Variants in B3GALT1 observed in about 807,000 individuals in gnomAD.
B3GALT1 encodes beta-1,3-galactosyltransferase 1.
Under a neutral mutation model 23.2 loss-of-function variants are expected in B3GALT1, and 10 were observed. The observed-to-expected ratio is 0.43, with a 90% CI of 0.27 to 0.73. The LOEUF is 0.73. Among genes scored for constraint, B3GALT1 ranks in the 30% least tolerant of loss-of-function variants. The pLI is 0.21. For missense variants in B3GALT1, 299 were observed against 405.4 expected (o/e 0.74, Z 2.25); for synonymous variants, 156 against 141.5 (o/e 1.10, Z -0.73).
In B3GALT1 at chr2:167,805,529, T is replaced by A. The variant is rs185249480; in HGVS notation, c.-351-13143T>A. 4.9e-3 allele frequency among the ~76,000 whole-genome samples: 753 copies of A among 152,318 alleles called. 1 individual carries two copies. The highest frequency in any genetic ancestry group is 5.9e-3 in the Non-Finnish European group (400 of 68,032). ...ATAAGGTGTAAGGAAGAGATCCAGT[T>A]TCAGCTTTCTACATATGGCTAGCCA... On this transcript the variant is annotated intron_variant, in intron 3 of 4. Coordinates refer to ENST00000392690, the MANE Select transcript of B3GALT1 (RefSeq NM_020981.4).
At chr2:167,807,169 A>C (rs1020196803) in intron 3 of B3GALT1, among the ~76,000 whole-genome samples, 3 of 152,020 alleles carry the variant, frequency 2.0e-5, no homozygotes, top group Non-Finnish European at 4.4e-5. Context: ...TATCCCCTTT[A>C]TCATTTTTTA....
At chr2:167,626,944 A>G (rs1473580197) in intron 2 of B3GALT1, among the ~76,000 whole-genome samples, 1 of 151,706 alleles carries the variant, frequency 6.6e-6, no homozygotes, top group Admixed American at 6.6e-5. Context: ...TTTTCTTCAA[A>G]ACACAAAGCA....
chr2:167,482,734 G>A (rs896349427), intron 1 of B3GALT1, among the ~76,000 whole-genome samples: 7 of 152,246 alleles, frequency 4.6e-5, no homozygotes, highest in African/African-American at 1.7e-4. Flanking sequence ...CAACTGCTAG[G>A]GAGGCTGAGG....
chr2:167,671,230 C>A (rs1686320817), intron 3 of B3GALT1, among the ~76,000 whole-genome samples: 2 of 151,794 alleles, frequency 1.3e-5, no homozygotes, highest in South Asian at 4.2e-4. Context: ...CTTTAATAAC[C>A]CCCATGGAAA....
rs1219294452 is a variant in B3GALT1 at position 167,489,639 on chromosome 2, T to G, written c.-510-538T>G. On this transcript the variant is annotated intron_variant, in intron 1 of 4. Transcript: ENST00000392690. ...ACTTTTTCACTGGCTCACGTCAGTA[T>G]TATTATAGACTTGATGGGGTACTTT... Among the ~76,000 whole-genome samples, 3 of 152,154 alleles carry G rather than the reference T, an allele frequency of 2.0e-5. No homozygotes were observed. In the East Asian group the frequency reaches 5.8e-4, roughly 29 times the overall value.
chr2:167,620,352 A>G (rs143317777), intron 2 of B3GALT1, among the ~76,000 whole-genome samples: 194 of 152,170 alleles, frequency 1.3e-3, no homozygotes, highest in African/African-American at 4.5e-3. Context: ...AGAGAAAGTA[A>G]CTAGAGAACA....
At chr2:167,574,341 A>T (rs1206571316) in intron 2 of B3GALT1, among the ~76,000 whole-genome samples, 1 of 151,704 alleles carries the variant, frequency 6.6e-6, no homozygotes, top group Non-Finnish European at 1.5e-5. Context: ...CTAAATCTAC[A>T]TCCAATTCCC....
chr2:167,794,114 G>T (rs1430404167), intron 3 of B3GALT1, among the ~76,000 whole-genome samples: 3 of 152,224 alleles, frequency 2.0e-5, no homozygotes, highest in Non-Finnish European at 4.4e-5. Flanking sequence ...GGAATTCTCA[G>T]TCCTCTGAGC....
chr2:167,366,343 T>C (rs780206503), intron 1 of B3GALT1, among the ~76,000 whole-genome samples: 5 of 152,200 alleles, frequency 3.3e-5, no homozygotes, highest in South Asian at 2.1e-4. Context: ...GGAAATATGC[T>C]AACAGTGAAT....
chr2:167,562,628 T>C (rs1684028122), intron 2 of B3GALT1, among the ~76,000 whole-genome samples: 1 of 151,080 alleles, frequency 6.6e-6, no homozygotes, highest in South Asian at 2.1e-4. Context: ...ACAAAATCAA[T>C]GTACAAAAAT....
chr2:167,307,949 A>T (rs1239325337), intron 1 of B3GALT1, among the ~76,000 whole-genome samples: 1 of 136,778 alleles, frequency 7.3e-6, no homozygotes, highest in Non-Finnish European at 1.6e-5. Context: ...TTAGGAGTAA[A>T]TATGATATAA....
chr2:167,769,164 G>A (rs866938410), intron 3 of B3GALT1, among the ~76,000 whole-genome samples: 5 of 152,230 alleles, frequency 3.3e-5, no homozygotes, highest in African/African-American at 1.2e-4. Flanking sequence ...TCTCTCTGGG[G>A]TACTGGGCCA....
intron 2 of B3GALT1, among the ~76,000 whole-genome samples, chr2:167,557,506 A>G (rs562423907): frequency 6.6e-6 from 1 of 152,314 alleles, no homozygotes; most frequent in East Asian, 1.9e-4. Flanking sequence ...TTGGATTTCA[A>G]GAACAGTATT....
At chr2:167,863,852 A>G (rs1228537684) in intron 4 of B3GALT1, among the ~76,000 whole-genome samples, 2 of 152,062 alleles carry the variant, frequency 1.3e-5, no homozygotes, top group Non-Finnish European at 2.9e-5. Flanking sequence ...CTGTTTTTTC[A>G]ACAGAGGATT....
At chr2:167,868,044 A>G (rs1176220973) in intron 4 of B3GALT1, among the ~76,000 whole-genome samples, 1 of 152,256 alleles carries the variant, frequency 6.6e-6, no homozygotes, top group South Asian at 2.1e-4. Flanking sequence ...TCATCAAGGG[A>G]ACACATGGGT....
At chr2:167,512,933 C>T (rs1574111976) in intron 2 of B3GALT1, among the ~76,000 whole-genome samples, 2 of 148,408 alleles carry the variant, frequency 1.3e-5, no homozygotes, top group Admixed American at 1.3e-4. Flanking sequence ...CATGATGATT[C>T]TACCCAGCCT....
At chr2:167,695,192 T>G (rs1686773967) in intron 3 of B3GALT1, among the ~76,000 whole-genome samples, 1 of 152,172 alleles carries the variant, frequency 6.6e-6, no homozygotes, top group South Asian at 2.1e-4. Flanking sequence ...TTCTCTCTTA[T>G]TCTCAAATTC....
intron 2 of B3GALT1, among the ~76,000 whole-genome samples, chr2:167,589,752 T>C (rs1282673030): frequency 6.6e-6 from 1 of 152,130 alleles, no homozygotes; most frequent in Non-Finnish European, 1.5e-5. Context: ...ACCTACTTTA[T>C]ATTTTTATTA....
intron 2 of B3GALT1, among the ~76,000 whole-genome samples, chr2:167,523,633 G>A (rs573611132): frequency 7.9e-5 from 12 of 152,126 alleles, no homozygotes; most frequent in African/African-American, 2.6e-4. Flanking sequence ...CCACCTTGGC[G>A]AGGCTGGTCT....
Sources: allele counts gnomAD v4.1 joint callset (sites outside exome capture counted in the v4.1 genomes callset), GRCh38; gene constraint gnomAD v4.1.1; transcripts MANE v1.5; gene names NCBI Gene and HGNC (gene_info 2026-07-23, HGNC 2026-07-21).